The following ZNF558 variants were observed in gnomAD, a reference collection of about 807,000 sequenced individuals.
The protein encoded by ZNF558 is zinc finger protein 558.
ZNF558 carries 23 observed loss-of-function variants against 37.6 expected under a neutral mutation model. The observed-to-expected ratio is 0.61, with a 90% CI of 0.44 to 0.87. The LOEUF is 0.87. ZNF558 is among the 40% of genes least tolerant of loss of function. The pLI, the probability that ZNF558 is intolerant of heterozygous loss-of-function variation, is 0.00. For synonymous variants in ZNF558, 189 were observed against 174.4 expected (o/e 1.08, Z -0.66); for missense variants, 429 against 483.7 (o/e 0.89, Z 1.06).
Position 8,825,056 on chromosome 19 carries a change from C to G in ZNF558, c.-456G>C, listed in dbSNP as rs1568474259. 1 of 152,270 alleles carries G rather than the reference C, an allele frequency of 6.6e-6. No homozygotes were observed. The highest frequency in any genetic ancestry group is 1.5e-5 in the Non-Finnish European group (1 of 68,100). The allele number at this position is 152,270 out of a possible 1,614,324, so 9.4% of individuals were successfully genotyped here. Reference sequence around the variant, plus strand: ...CGCTATTTCCTATCTGGCAGGTCAACAGAGACACAGTGGCCCACACTCTTC... The same window carrying G: ...CGCTATTTCCTATCTGGCAGGTCAAGAGAGACACAGTGGCCCACACTCTTC... On this transcript the variant is annotated 5_prime_UTR_variant, in exon 3 of 10. Coordinates refer to ENST00000601372, the MANE Select transcript of ZNF558 (RefSeq NM_144693.3).
chr19:8,830,149 T>C (rs1305445151), intron 2 of ZNF558, among the ~76,000 whole-genome samples: 5 of 152,036 alleles, frequency 3.3e-5, no homozygotes, highest in African/African-American at 1.2e-4. Flanking sequence ...GTTTATGTCT[T>C]CTCTCTCTCT....
chr19:8,818,463 A>G (rs920734061), intron 7 of ZNF558, among the ~76,000 whole-genome samples: 1 of 152,128 alleles, frequency 6.6e-6, no homozygotes, highest in Non-Finnish European at 1.5e-5. Context: ...AAAAAATAAT[A>G]AAGTTATGTA....
chr19:8,813,886 C>T (rs2145197390), intron 7 of ZNF558, among the ~76,000 whole-genome samples: 1 of 152,222 alleles, frequency 6.6e-6, no homozygotes, highest in African/African-American at 2.4e-5. Context: ...TAGAGACTGC[C>T]CATGAGGGTG....
intron 7 of ZNF558, among the ~76,000 whole-genome samples, chr19:8,818,534 C>T (rs1290035649): frequency 6.6e-6 from 1 of 152,116 alleles, no homozygotes; most frequent in South Asian, 2.1e-4. Flanking sequence ...AGAGATAAAA[C>T]AATCACTATC....
chr19:8,826,510 G>A (rs1460646630), intron 2 of ZNF558, among the ~76,000 whole-genome samples: 3 of 151,972 alleles, frequency 2.0e-5, no homozygotes, highest in African/African-American at 4.8e-5. Flanking sequence ...CACATGCAAA[G>A]TTCACAATAG....
At chr19:8,815,340 G>A (rs370807726) in intron 7 of ZNF558, among the ~76,000 whole-genome samples, 1 of 152,212 alleles carries the variant, frequency 6.6e-6, no homozygotes, top group African/African-American at 2.4e-5. Context: ...AACATTAAGA[G>A]ACAGAAACTT....
chr19:8,831,836 A>T (rs2044364292), intron 1 of ZNF558, among the ~76,000 whole-genome samples: 1 of 151,718 alleles, frequency 6.6e-6, no homozygotes, highest in Non-Finnish European at 1.5e-5. Flanking sequence ...GTTGTGGGGG[A>T]CTGTCCTGTA....
chr19:8,823,358 C>A (rs1426708216), intron 4 of ZNF558, among the ~76,000 whole-genome samples: 1 of 146,064 alleles, frequency 6.8e-6, no homozygotes, highest in Non-Finnish European at 1.5e-5. Context: ...CCTCGGTCAC[C>A]CCCCTCCTGC....
upstream of ZNF558, among the ~76,000 whole-genome samples, chr19:8,836,791 C>A (rs546287844): frequency 6.6e-6 from 1 of 152,208 alleles, no homozygotes; most frequent in African/African-American, 2.4e-5. Context: ...TCGTATCCAG[C>A]TTAAGTGTAT....
At chr19:8,826,894 C>A (rs966157354) in intron 2 of ZNF558, among the ~76,000 whole-genome samples, 2 of 152,216 alleles carry the variant, frequency 1.3e-5, no homozygotes, top group Non-Finnish European at 2.9e-5. Flanking sequence ...GCAACTGCTG[C>A]AGAACTTCCC....
At chr19:8,824,884 C>G (rs955684797) in intron 3 of ZNF558, 118 bp downstream of exon 3, 1 of 152,520 alleles carries the variant, frequency 6.6e-6, no homozygotes, top group African/African-American at 2.4e-5. Context: ...TATCCCCCAT[C>G]CCAGCCACAG....
At position 8,817,455 on chromosome 19, in the gene ZNF558, C is replaced by CTAATGTAAT. The variant is rs550312706; in HGVS notation, c.247+3724_247+3725insATTACATTA. Among the ~76,000 whole-genome samples, 371 of 152,072 alleles carry CTAATGTAAT rather than the reference C, an allele frequency of 2.4e-3. 1 individual carries two copies. Among genetic ancestry groups the CTAATGTAAT allele is most frequent in the African/African-American group, 8.6e-3 (355 of 41,458 alleles). ...TGTTAGCCCACTGCCCAACTGTAGG[C>CTAATGTAAT]TAATGTAAGTGTTCTGAGCATGTTT... On this transcript the variant is annotated intron_variant, in intron 7 of 9. Transcript: ENST00000601372.
chr19:8,813,166 C>A lies in ZNF558; in HGVS notation c.304G>T (p.Val102Leu), dbSNP rs782078565. ...GGTAGAATTCCTCTTTCCTCTGTCA[C>A]CACCTTCTTGTCTTGTTCCAACTGG... Reference protein sequence around the residue: ...ISQLEQDKKVVTEERGILPST... With the variant: ...ISQLEQDKKVLTEERGILPST... Residue 102 changes from valine (V) to leucine (L), a missense_variant, in exon 8 of 10, where the codon GTG becomes TTG. By Grantham distance (32) the Val-to-Leu change is conservative (BLOSUM62 1). Coordinates refer to ENST00000601372, the MANE Select transcript of ZNF558 (RefSeq NM_144693.3). 6.3e-7 allele frequency: 1 copy of A among 1,599,600 alleles called. No homozygotes were observed. The highest frequency in any genetic ancestry group is 1.7e-5 in the Admixed American group (1 of 57,944).
the ZNF558 span, among the ~76,000 whole-genome samples, chr19:8,837,376 CAAT>C: frequency 7.9e-5 from 12 of 152,180 alleles, no homozygotes; most frequent in Non-Finnish European, 1.2e-4. Context: ...CTTAAAACAA[CAAT>C]GTCAATGTAC....
In ZNF558 at chr19:8,811,181, T is replaced by G; in HGVS notation, c.*100A>C. 1 of 1,298,242 alleles carries G rather than the reference T, an allele frequency of 7.7e-7. No homozygotes were observed. Among genetic ancestry groups the G allele is most frequent in the Non-Finnish European group, 1.0e-6 (1 of 955,918 alleles). The allele number at this position is 1,298,242 out of a possible 1,614,324, so 80.4% of individuals were successfully genotyped here. On this transcript the variant is annotated 3_prime_UTR_variant, in exon 10 of 10. Coordinates refer to ENST00000601372, the MANE Select transcript of ZNF558 (RefSeq NM_144693.3). Reference sequence around the variant, plus strand: ...CAAAATTTGCGGGGATCATTTGTTATGCTGCAACAAATAACTTATATATCC... The same window carrying G: ...CAAAATTTGCGGGGATCATTTGTTAGGCTGCAACAAATAACTTATATATCC...
In ZNF558 at chr19:8,811,797, A is replaced by G. The variant is rs1416524685; in HGVS notation, c.693T>C (p.Thr231=). The change falls in exon 10 of 10, where the codon ACT becomes ACC. Residue 231 remains threonine (T), a synonymous_variant. Coordinates refer to ENST00000601372, the MANE Select transcript of ZNF558 (RefSeq NM_144693.3). The part of the protein sequence containing the change: ...SSLRLHLRIH[T]GEKPYECNQC... Reference sequence around the variant, plus strand: ...GGTTACATTCATAGGGTTTTTCTCCAGTGTGAATTCTCAAATGCAGTCTAA... The same window carrying G: ...GGTTACATTCATAGGGTTTTTCTCCGGTGTGAATTCTCAAATGCAGTCTAA... The G allele has an allele frequency of 6.2e-7, 1 of 1,614,204 alleles. No individual in the cohort carries two copies. Among genetic ancestry groups the G allele is most frequent in the African/African-American group, 1.3e-5 (1 of 75,054 alleles).
At chr19:8,831,888 G>T (rs982027433) in intron 1 of ZNF558, among the ~76,000 whole-genome samples, 3 of 152,038 alleles carry the variant, frequency 2.0e-5, no homozygotes, top group Non-Finnish European at 4.4e-5. Context: ...CCTCTTCCCC[G>T]GCCTCCACCC....
intron 2 of ZNF558, among the ~76,000 whole-genome samples, 200 bp from the exon 3 acceptor site, chr19:8,825,308 CTA>C (rs970346182): frequency 9.2e-5 from 14 of 152,148 alleles, no homozygotes; most frequent in African/African-American, 2.9e-4. Context: ...GGTGAATAAA[CTA>C]TGTGATAGCT....
At chr19:8,821,126 G>GC in intron 7 of ZNF558, 54 bp downstream of exon 7, 3 of 1,586,780 alleles carry the variant, frequency 1.9e-6, no homozygotes, top group Non-Finnish European at 2.6e-6. Flanking sequence ...AGCAAAGCAG[G>GC]CAAGTGTTGC....
Sources: gnomAD v4.1 joint callset for allele counts (sites outside exome capture counted in the v4.1 genomes callset) on GRCh38, gnomAD v4.1.1 for gene constraint, MANE v1.5 for transcripts, NCBI Gene and HGNC (gene_info 2026-07-23, HGNC 2026-07-21) for gene names.